NCKAP1L: variants seen among roughly 807,000 people sequenced by gnomAD.
NCKAP1L encodes the protein NCK associated protein 1 like.
A neutral mutation model predicts 139.2 loss-of-function variants in NCKAP1L; 53 were observed. The ratio of observed to expected loss-of-function variants is 0.38; its 90% CI spans 0.31 to 0.48. The LOEUF is 0.48. Ranked by LOEUF, NCKAP1L falls within the 20% of genes least tolerant of loss-of-function variation. The pLI, the probability that NCKAP1L is intolerant of heterozygous loss-of-function variation, is 0.98. For synonymous variants in NCKAP1L, 468 were observed against 499.7 expected (o/e 0.94, Z 0.85); for missense variants, 1,151 against 1,381.9 (o/e 0.83, Z 2.65).
At chr12:54,523,990 T>C (rs1957007640) in intron 20 of NCKAP1L, 34 bp downstream of exon 20, 1 of 1,601,728 alleles carries the variant, frequency 6.2e-7, no homozygotes, top group South Asian at 1.1e-5. Flanking sequence ...GTTTGGACAG[T>C]AGTCTTCATA....
Position 54,526,635 on chromosome 12 carries a change from C to T in NCKAP1L, c.2264C>T (p.Ala755Val), listed in dbSNP as rs117245027. 1.9e-6 allele frequency: 3 copies of T among 1,614,056 alleles called. No homozygotes were observed. Among genetic ancestry groups the T allele is most frequent in the Non-Finnish European group, 2.5e-6 (3 of 1,180,016 alleles). ...TACATTGGTTTCATACAGTCACTGG[C>T]CCAGTTTTTGGGTGCAGATGCTTCC... ...KAYIGFIQSL[A>V]QFLGADASRV... Residue 755 changes from alanine to valine, a missense_variant, in exon 21 of 31, where the codon GCC (alanine) becomes GTC (valine). Transcript: ENST00000293373.
intron 16 of NCKAP1L, 146 bp from the exon 17 acceptor site, chr12:54,520,548 G>T: frequency 1.3e-6 from 1 of 798,578 alleles, no homozygotes; most frequent in East Asian, 2.5e-5. Flanking sequence ...GGTAAATATC[G>T]GTAAATGTTT....
chr12:54,542,441 G>T (rs1957165286), intron 30 of NCKAP1L, 134 bp from the exon 31 acceptor site: 1 of 687,458 alleles, frequency 1.5e-6, no homozygotes. Flanking sequence ...AGGGAAGAGG[G>T]GGGTGTGATT....
At chr12:54,508,674 C>T in intron 5 of NCKAP1L, 143 bp downstream of exon 5, 1 of 828,854 alleles carries the variant, frequency 1.2e-6, no homozygotes, top group African/African-American at 1.7e-5. Context: ...ATAAGGTACA[C>T]TTTTACATAT....
chr12:54,530,665 C>G (rs1302855224), intron 22 of NCKAP1L, among the ~76,000 whole-genome samples: 1 of 152,220 alleles, frequency 6.6e-6, no homozygotes, highest in Non-Finnish European at 1.5e-5. Context: ...GTACCAGCCC[C>G]TGCTGTGGTT....
chr12:54,539,105 C>A (rs946491781), intron 30 of NCKAP1L, 132 bp downstream of exon 30: 13 of 698,256 alleles, frequency 1.9e-5, no homozygotes, highest in African/African-American at 5.3e-5. Context: ...CTCTGCATAA[C>A]CCTCTGAATG....
rs911279459 is a variant in NCKAP1L, at chr12:54,546,591, G to T, written c.*3906G>T. 1 of 152,164 alleles carries T rather than the reference G, an allele frequency of 6.6e-6. No homozygotes were observed. Among genetic ancestry groups the T allele is most frequent in the Admixed American group, 6.5e-5 (1 of 15,282 alleles). 9.4% of individuals were successfully genotyped at this position (152,164 alleles called of 1,614,324 possible). On this transcript the variant is annotated 3_prime_UTR_variant, in exon 31 of 31. Coordinates refer to ENST00000293373, the MANE Select transcript of NCKAP1L (RefSeq NM_005337.5). The stretch of plus-strand genomic sequence containing the variant: ...AAAGTTTGACTTTGAGAAGAAGCTG[G>T]CACATGGCTGAAATGCACTCACGCG...
Position 54,509,714 on chromosome 12 carries a change from C to T in NCKAP1L, c.552C>T (p.Asp184=). The part of the protein sequence containing the change: ...ARLGQMVLEY[D]HPLKKLTEEF... ...TGGGTCAGATGGTCTTGGAGTATGA[C>T]CACCCTCTGAAGAAGCTGACAGAAG... The change falls in exon 6 of 31, where the codon GAC becomes GAT. Residue 184 remains aspartate (D), a synonymous_variant. Transcript: ENST00000293373. 2 of 1,614,166 alleles carry T rather than the reference C, an allele frequency of 1.2e-6. No homozygotes were observed. Among genetic ancestry groups the T allele is most frequent in the Non-Finnish European group, 1.7e-6 (2 of 1,180,032 alleles).
At position 54,543,379 on chromosome 12, in the gene NCKAP1L, C is replaced by G. The variant is rs976070928; in HGVS notation, c.*694C>G. The G allele has an allele frequency of 2.0e-5, 3 of 152,192 alleles. No homozygotes were observed. The highest frequency in any genetic ancestry group is 7.2e-5 in the African/African-American group (3 of 41,436). 9.4% of individuals were successfully genotyped at this position (152,192 alleles called of 1,614,324 possible). A position where few individuals can be genotyped will look rare whatever the true frequency, so the allele number is the denominator to read the frequency against. On this transcript the variant is annotated 3_prime_UTR_variant, in exon 31 of 31. Transcript: ENST00000293373. The stretch of plus-strand genomic sequence containing the variant: ...TACTACATTGTTTGTTACAAGTTCT[C>G]TCTTGCTTTAACCCCTCCTGCTTTG...
chr12:54,523,370 A>G lies in NCKAP1L; in HGVS notation c.1879-24A>G, dbSNP rs751345563. 8.1e-6 allele frequency: 13 copies of G among 1,602,598 alleles called. No individual in the cohort carries two copies. In the Admixed American group the frequency reaches 2.1e-4, roughly 26 times the overall value. On this transcript the variant is annotated intron_variant, in intron 18 of 30. Coordinates refer to ENST00000293373, the MANE Select transcript of NCKAP1L (RefSeq NM_005337.5). ...TTTTAGCAACAAATCCCCTTTCTCCATTTACCTGTGTTTGTTTCTGAAGCT... is the reference window on the plus strand; with the variant it reads ...TTTTAGCAACAAATCCCCTTTCTCCGTTTACCTGTGTTTGTTTCTGAAGCT...
intron 22 of NCKAP1L, among the ~76,000 whole-genome samples, chr12:54,528,750 C>T (rs562358171): frequency 1.8e-4 from 27 of 151,874 alleles, no homozygotes; most frequent in South Asian, 1.7e-3. Flanking sequence ...CTCAGCCTCC[C>T]GAATAGCTGG....
At position 54,498,399 on chromosome 12, in the gene NCKAP1L, T is replaced by TTGTGTG. The variant is rs766272206; in HGVS notation, c.102+538_102+543dup. 5.0e-3 allele frequency among the ~76,000 whole-genome samples: 706 copies of TTGTGTG among 142,376 alleles called. 7 individuals are homozygous for TTGTGTG. Among genetic ancestry groups the TTGTGTG allele is most frequent in the African/African-American group, 1.0e-2 (386 of 38,678 alleles). 93.4% of individuals were successfully genotyped at this position (142,376 alleles called of 152,430 possible). ...CCTGGGGTAGTTCATGCTGTGGTGGTTGTGTGTGTGTGTGTGTGTGTGTGT... is the reference window on the plus strand; with the variant it reads ...CCTGGGGTAGTTCATGCTGTGGTGGTTGTGTGTGTGTGTGTGTGTGTGTGTGTGTGT... On this transcript the variant is annotated intron_variant, in intron 1 of 30. Coordinates refer to ENST00000293373, the MANE Select transcript of NCKAP1L (RefSeq NM_005337.5).
intron 4 of NCKAP1L, 41 bp from the exon 5 acceptor site, chr12:54,508,348 T>C: frequency 6.2e-7 from 1 of 1,609,574 alleles, no homozygotes. Context: ...CCAGGTTAAT[T>C]GGCCATGCTG....
At position 54,518,729 on chromosome 12, in the gene NCKAP1L, C is replaced by G. The variant is rs749738620; in HGVS notation, c.1417C>G (p.Gln473Glu). ...VSILSSLNLKQVDNGEKFEFS... is the reference protein window; with the variant it reads ...VSILSSLNLKEVDNGEKFEFS... ...TATCCTCTCCTCTCTGAATCTCAAACAAGGTAACTGGAGGGAGGTGGGGGA... is the reference window on the plus strand; with the variant it reads ...TATCCTCTCCTCTCTGAATCTCAAAGAAGGTAACTGGAGGGAGGTGGGGGA... The change falls in exon 14 of 31, where the codon CAA (glutamine) becomes GAA (glutamate). Residue 473 changes from glutamine (Q) to glutamate (E), a missense_variant. Coordinates refer to ENST00000293373, the MANE Select transcript of NCKAP1L (RefSeq NM_005337.5). 3 of 1,611,984 alleles carry G rather than the reference C, an allele frequency of 1.9e-6. No homozygotes were observed. The highest frequency in any genetic ancestry group is 8.5e-7 in the Non-Finnish European group (1 of 1,178,216).
chr12:54,506,796 A>AACAATATATAT, intron 3 of NCKAP1L, among the ~76,000 whole-genome samples: 1 of 50,608 alleles, frequency 2.0e-5, no homozygotes, highest in African/African-American at 1.1e-4. Flanking sequence ...AAAAAAAAAA[A>AACAATATATAT]ATATATATAT....
At position 54,537,008 on chromosome 12, in the gene NCKAP1L, G is replaced by T. The variant is rs377644242; in HGVS notation, c.3138G>T (p.Thr1046=). Residue 1046 remains threonine (T), a synonymous_variant, in exon 29 of 31, where the codon ACG becomes ACT. Coordinates refer to ENST00000293373, the MANE Select transcript of NCKAP1L (RefSeq NM_005337.5). ...AIIQVSAALF[T]LYNKNIETHL... ...TCCAGGTGTCTGCTGCCCTCTTCACGCTCTACAACAAGAACATTGAAACTC... is the reference window on the plus strand; with the variant it reads ...TCCAGGTGTCTGCTGCCCTCTTCACTCTCTACAACAAGAACATTGAAACTC... 1.9e-6 allele frequency: 3 copies of T among 1,613,524 alleles called. No homozygotes were observed. The highest frequency in any genetic ancestry group is 2.5e-6 in the Non-Finnish European group (3 of 1,179,730).
intron 30 of NCKAP1L, 79 bp from the exon 31 acceptor site, chr12:54,542,496 G>T (rs1244845109): frequency 9.5e-7 from 1 of 1,047,186 alleles, no homozygotes; most frequent in African/African-American, 1.6e-5. Flanking sequence ...AGAGGGCCTG[G>T]GAACTATGCA....
intron 26 of NCKAP1L, among the ~76,000 whole-genome samples, chr12:54,534,262 G>A (rs10876565): frequency 0.48 from 73,684 of 152,030 alleles, 19,262 homozygotes; most frequent in African/African-American, 0.69. Flanking sequence ...AGTTTTATAG[G>A]TGGGAAAATG....
chr12:54,529,781 A>G (rs995114657), intron 22 of NCKAP1L, among the ~76,000 whole-genome samples: 1 of 152,070 alleles, frequency 6.6e-6, no homozygotes, highest in Non-Finnish European at 1.5e-5. Flanking sequence ...TGGTTGCCAT[A>G]GTGATGGGGC....
Sources: allele counts gnomAD v4.1 joint callset (sites outside exome capture counted in the v4.1 genomes callset), GRCh38; gene constraint gnomAD v4.1.1; transcripts MANE v1.5; gene names NCBI Gene and HGNC (gene_info 2026-07-23, HGNC 2026-07-21).